PAX5: variants seen among roughly 807,000 people sequenced by gnomAD.
PAX5 encodes the protein paired box 5.
Under a neutral mutation model 43.7 loss-of-function variants are expected in PAX5, and 9 were observed. That is an observed-to-expected ratio of 0.21 (90% CI 0.12 to 0.36). PAX5 has a LOEUF of 0.36. PAX5 is among the 10% of genes least tolerant of loss of function. PAX5 has a pLI of 1.00. For synonymous variants in PAX5, 228 were observed against 214.3 expected, an observed-to-expected ratio of 1.06 and a Z score of -0.56; for missense variants, 383 against 532.7, an observed-to-expected ratio of 0.72 and a Z score of 2.77.
At chr9:36,981,530 G>A (rs764269881) in intron 5 of PAX5, among the ~76,000 whole-genome samples, 4 of 151,290 alleles carry the variant, frequency 2.6e-5, no homozygotes, top group Non-Finnish European at 4.4e-5. Context: ...CCCTCCCAGG[G>A]GACATCTGAT....
chr9:36,857,765 C>T (rs1001707131), intron 8 of PAX5, among the ~76,000 whole-genome samples: 2 of 152,222 alleles, frequency 1.3e-5, no homozygotes, highest in Non-Finnish European at 2.9e-5. Context: ...AGGACGCACA[C>T]GGTGCTGACA....
intron 1 of PAX5, among the ~76,000 whole-genome samples, chr9:37,028,282 A>G (rs1840635565): frequency 6.6e-6 from 1 of 152,112 alleles, no homozygotes; most frequent in Non-Finnish European, 1.5e-5. Flanking sequence ...GGTTAACTAG[A>G]TTTTACTGAA....
chr9:36,989,169 C>T (rs1335306817), intron 5 of PAX5, among the ~76,000 whole-genome samples: 1 of 152,164 alleles, frequency 6.6e-6, no homozygotes. Flanking sequence ...AGCCAAGGTC[C>T]CCCTGAGCTC....
intron 7 of PAX5, among the ~76,000 whole-genome samples, chr9:36,900,151 T>C (rs1390726050): frequency 6.6e-6 from 1 of 152,268 alleles, no homozygotes; most frequent in Non-Finnish European, 1.5e-5. Flanking sequence ...TTCAGGCTTC[T>C]TGAGGCCAAA....
chr9:36,843,326 G>A (rs12341651), intron 9 of PAX5, among the ~76,000 whole-genome samples: 2 of 152,066 alleles, frequency 1.3e-5, no homozygotes, highest in African/African-American at 4.8e-5. Flanking sequence ...GGGGCAGGGC[G>A]GGCCGGGAGA....
intron 8 of PAX5, among the ~76,000 whole-genome samples, chr9:36,847,713 G>A (rs542795259): frequency 8.6e-4 from 131 of 152,274 alleles, no homozygotes; most frequent in East Asian, 5.8e-4. Flanking sequence ...GGTGGGACCC[G>A]AACATGGTTC....
intron 8 of PAX5, among the ~76,000 whole-genome samples, chr9:36,863,390 G>GA (rs1355450412): frequency 6.6e-6 from 1 of 152,174 alleles, no homozygotes; most frequent in Non-Finnish European, 1.5e-5. Flanking sequence ...CGGCCTCCCC[G>GA]AGTGCTGGGA....
intron 7 of PAX5, chr9:36,923,056 C>G (rs1830304793): frequency 2.8e-6 from 1 of 351,586 alleles, no homozygotes; most frequent in Non-Finnish European, 5.2e-6. Flanking sequence ...TCTGAACACT[C>G]AGCCCCACCC....
intron 7 of PAX5, among the ~76,000 whole-genome samples, chr9:36,901,010 A>T (rs11792980): frequency 0.11 from 16,348 of 151,836 alleles, 967 homozygotes; most frequent in South Asian, 0.19. Flanking sequence ...TGTTTCCTCC[A>T]TCCCCCTTTC....
chr9:36,844,147 C>T lies in PAX5; in HGVS notation c.1099+2696G>A, dbSNP rs184281148. ...ACCTGCTTTCAAAGCTGGACCAGAG[C>T]CAGTCTCATCACTCACACACAGGTC... On this transcript the variant is annotated intron_variant, in intron 9 of 9. Transcript: ENST00000358127. 3.9e-5 allele frequency among the ~76,000 whole-genome samples: 6 copies of T among 152,354 alleles called. No individual in the cohort carries two copies. The East Asian group carries it at 1.2e-3, about 29-fold the overall frequency.
At chr9:36,852,524 C>T (rs186353691) in intron 8 of PAX5, among the ~76,000 whole-genome samples, 5 of 152,278 alleles carry the variant, frequency 3.3e-5, no homozygotes, top group East Asian at 3.9e-4. Flanking sequence ...AGAAACAGAA[C>T]GCTGGCAGTC....
In PAX5 at chr9:36,941,943, T is replaced by G. The variant is rs543992661; in HGVS notation, c.781-18459A>C. ...AGCTAGTAAGAAAAAGAGCTTGTACTTGAACTCACTTCTGCTTCCTGAAGA... is the reference window on the plus strand; with the variant it reads ...AGCTAGTAAGAAAAAGAGCTTGTACGTGAACTCACTTCTGCTTCCTGAAGA... On this transcript the variant is annotated intron_variant, in intron 6 of 9. Coordinates refer to ENST00000358127, the MANE Select transcript of PAX5 (RefSeq NM_016734.3). Among the ~76,000 whole-genome samples the G allele has an allele frequency of 2.6e-5, 4 of 152,356 alleles. No individual in the cohort carries two copies. The East Asian group carries it at 7.7e-4, about 29-fold the overall frequency.
intron 5 of PAX5, among the ~76,000 whole-genome samples, chr9:36,998,517 C>A (rs1355705904): frequency 6.6e-6 from 1 of 152,240 alleles, no homozygotes; most frequent in Non-Finnish European, 1.5e-5. Context: ...GGAGCACTTA[C>A]TGAGCACCTA....
intron 5 of PAX5, among the ~76,000 whole-genome samples, chr9:36,988,042 G>A (rs905326427): frequency 1.3e-5 from 2 of 152,168 alleles, no homozygotes; most frequent in Non-Finnish European, 2.9e-5. Context: ...AGGAGGGAGG[G>A]GGAGCGGCGG....
Position 36,879,613 on chromosome 9 carries a change from C to T in PAX5, c.1012+2391G>A, listed in dbSNP as rs189273006. 4.6e-5 allele frequency among the ~76,000 whole-genome samples: 7 copies of T among 152,250 alleles called. No individual in the cohort carries two copies. The East Asian group carries it at 1.4e-3, about 29-fold the overall frequency. On this transcript the variant is annotated intron_variant, in intron 8 of 9. Transcript: ENST00000358127. ...CAAAGACTGGGGTTCAAGTCCTCCT[C>T]CTGCAAGCTGCACAGCCCCCCGGAA...
Position 36,966,656 on chromosome 9 carries a change from G to C in PAX5, c.673C>G (p.Arg225Gly). ...PGRDFLRKQM[R>G]GDLFTQQQLE... ...TGCTGCTGTGTGAACAAGTCTCCCC[G>C]CATCTGCTTCCGGAGGAAGTCTCTG... is the stretch of plus-strand genomic sequence containing the variant. Residue 225 changes from arginine (R) to glycine (G), a missense_variant, in exon 6 of 10, where the codon CGG (arginine) becomes GGG (glycine). Arg to Gly is a moderately radical substitution (Grantham distance 125). Around this residue, in one of 5 missense-constraint regions of PAX5, gnomAD observed 291 missense variants for 342.5 expected, o/e 0.85. Transcript: ENST00000358127. 6.2e-7 allele frequency: 1 copy of C among 1,614,176 alleles called. No homozygotes were observed. The highest frequency in any genetic ancestry group is 8.5e-7 in the Non-Finnish European group (1 of 1,180,026).
intron 6 of PAX5, among the ~76,000 whole-genome samples, chr9:36,930,216 CTTTTTTTTTTTT>C (rs144710055): frequency 7.0e-5 from 6 of 85,524 alleles, no homozygotes; most frequent in African/African-American, 2.4e-4. Context: ...GATGGATGTC[CTTTTTTTTTTTT>C]TTTTTTTTTT....
At chr9:36,927,745 G>A (rs1002192829) in intron 6 of PAX5, among the ~76,000 whole-genome samples, 7 of 142,738 alleles carry the variant, frequency 4.9e-5, no homozygotes, top group African/African-American at 1.6e-4. Context: ...GTCTTGCTCT[G>A]TCACCCAGGC....
intron 6 of PAX5, among the ~76,000 whole-genome samples, chr9:36,965,337 CA>C (rs2132185392): frequency 6.6e-6 from 1 of 152,352 alleles, no homozygotes; most frequent in South Asian, 2.1e-4. Flanking sequence ...AGGCCTTGCA[CA>C]AAGTAAACAC....
Sources: gnomAD v4.1 joint callset for allele counts (sites outside exome capture counted in the v4.1 genomes callset) on GRCh38, gnomAD v4.1.1 for gene constraint, gnomAD v4.1.1 regional missense constraint, MANE v1.5 for transcripts, NCBI Gene and HGNC (gene_info 2026-07-23, HGNC 2026-07-21) for gene names.